NKAIN2: variants seen among roughly 807,000 people sequenced by gnomAD.
NKAIN2 encodes the protein sodium/potassium transporting ATPase interacting 2.
NKAIN2 carries 14 observed loss-of-function variants against 32.6 expected under a neutral mutation model. The ratio of observed to expected loss-of-function variants is 0.43; its 90% confidence interval spans 0.28 to 0.67. The LOEUF (loss-of-function observed/expected upper bound fraction) is 0.67. NKAIN2 is among the 30% of genes least tolerant of loss of function. The pLI is 0.17. For missense variants in NKAIN2, 198 were observed against 258.3 expected (o/e 0.77, Z 1.60); for synonymous variants, 80 against 87.2 (o/e 0.92, Z 0.46).
chr6:124,789,750 A>G (rs1359226132), intron 4 of NKAIN2, among the ~76,000 whole-genome samples: 1 of 152,106 alleles, frequency 6.6e-6, no homozygotes, highest in Non-Finnish European at 1.5e-5. Context: ...TGATGACTCT[A>G]TTATATAAAG....
At chr6:123,866,431 CT>C (rs573379522) in intron 1 of NKAIN2, among the ~76,000 whole-genome samples, 6 of 150,470 alleles carry the variant, frequency 4.0e-5, no homozygotes, top group Admixed American at 2.0e-4. Flanking sequence ...ACATAATACA[CT>C]TTTTTTTTTC....
At chr6:124,184,648 T>A (rs6569379) in intron 1 of NKAIN2, among the ~76,000 whole-genome samples, 43,316 of 152,038 alleles carry the variant, frequency 0.28, 7,679 homozygotes, top group African/African-American at 0.48. Flanking sequence ...ATTTTCATAA[T>A]TGATTGATTT....
At chr6:124,423,406 T>G (rs572782424) in intron 3 of NKAIN2, among the ~76,000 whole-genome samples, 46 of 152,326 alleles carry the variant, frequency 3.0e-4, no homozygotes, top group Non-Finnish European at 4.7e-4. Context: ...TCTCCATATG[T>G]AAAATGTACA....
chr6:124,661,612 T>C (rs1784747739), intron 4 of NKAIN2, among the ~76,000 whole-genome samples: 1 of 152,202 alleles, frequency 6.6e-6, no homozygotes, highest in Admixed American at 6.5e-5. Flanking sequence ...CGAGGGGCTA[T>C]TAATCACACA....
intron 1 of NKAIN2, among the ~76,000 whole-genome samples, chr6:124,204,689 T>C (rs1163384520): frequency 1.3e-5 from 2 of 151,774 alleles, no homozygotes; most frequent in Non-Finnish European, 2.9e-5. Flanking sequence ...AATATGACTT[T>C]GAAATTGTTC....
chr6:124,604,127 G>T (rs533679324), intron 3 of NKAIN2, among the ~76,000 whole-genome samples: 1 of 151,952 alleles, frequency 6.6e-6, no homozygotes, highest in Non-Finnish European at 1.5e-5. Flanking sequence ...CTCTCATAGC[G>T]GAGGATGACT....
At chr6:124,778,164 G>C (rs1430994768) in intron 4 of NKAIN2, among the ~76,000 whole-genome samples, 1 of 152,068 alleles carries the variant, frequency 6.6e-6, no homozygotes, top group Non-Finnish European at 1.5e-5. Flanking sequence ...CCTGAGCTCT[G>C]ATGCTGTGGT....
At chr6:124,297,657 T>C (rs543533295) in intron 2 of NKAIN2, among the ~76,000 whole-genome samples, 1 of 150,322 alleles carries the variant, frequency 6.7e-6, no homozygotes, top group Non-Finnish European at 1.5e-5. Context: ...ACATGCTTAT[T>C]ATTGTTCTTT....
At chr6:124,409,694 T>G (rs1774060397) in intron 3 of NKAIN2, among the ~76,000 whole-genome samples, 1 of 152,224 alleles carries the variant, frequency 6.6e-6, no homozygotes, top group Admixed American at 6.5e-5. Flanking sequence ...GGTATCAGGA[T>G]GATGCTGCCT....
intron 1 of NKAIN2, among the ~76,000 whole-genome samples, chr6:124,175,758 T>C (rs1789124582): frequency 1.3e-5 from 2 of 152,178 alleles, no homozygotes; most frequent in African/African-American, 4.8e-5. Context: ...AAATGTAGCC[T>C]CACTGGGTTT....
intron 1 of NKAIN2, among the ~76,000 whole-genome samples, chr6:124,035,726 C>G (rs1184559637): frequency 2.0e-5 from 3 of 152,110 alleles, no homozygotes; most frequent in Non-Finnish European, 4.4e-5. Flanking sequence ...GTCTCACATC[C>G]CTCTTGCCAC....
chr6:124,383,314 T>C (rs954916699), intron 3 of NKAIN2, among the ~76,000 whole-genome samples: 2 of 152,102 alleles, frequency 1.3e-5, no homozygotes, highest in Non-Finnish European at 2.9e-5. Context: ...CTCTCTCCAA[T>C]CCATTTTTTT....
chr6:124,323,450 A>G (rs549744453), intron 2 of NKAIN2, among the ~76,000 whole-genome samples: 1 of 152,284 alleles, frequency 6.6e-6, no homozygotes, highest in African/African-American at 2.4e-5. Context: ...AATCTCATCC[A>G]TTTTGAATTA....
intron 4 of NKAIN2, among the ~76,000 whole-genome samples, chr6:124,789,002 T>G (rs944994265): frequency 2.6e-5 from 4 of 152,072 alleles, no homozygotes; most frequent in African/African-American, 9.7e-5. Context: ...TCAGCAAGCT[T>G]TTGTAACAAA....
At chr6:123,972,155 A>G (rs1194965444) in intron 1 of NKAIN2, among the ~76,000 whole-genome samples, 2 of 152,224 alleles carry the variant, frequency 1.3e-5, no homozygotes, top group African/African-American at 2.4e-5. Context: ...AATACAGTAC[A>G]TAATACATAG....
intron 1 of NKAIN2, among the ~76,000 whole-genome samples, chr6:124,152,160 A>G (rs140007087): frequency 2.0e-4 from 31 of 152,090 alleles, no homozygotes; most frequent in Non-Finnish European, 3.4e-4. Flanking sequence ...AGGGTTTTGT[A>G]TTCCCATACA....
At chr6:124,452,193 T>C (rs1243540694) in intron 3 of NKAIN2, among the ~76,000 whole-genome samples, 1 of 65,750 alleles carries the variant, frequency 1.5e-5, no homozygotes, top group Admixed American at 1.9e-4. Context: ...AGACATCATC[T>C]CGAAAAAAAA....
intron 4 of NKAIN2, among the ~76,000 whole-genome samples, chr6:124,745,987 C>T (rs948707279): frequency 6.6e-6 from 1 of 151,750 alleles, no homozygotes; most frequent in Non-Finnish European, 1.5e-5. Context: ...CAATGAGAAT[C>T]AAAATGAAAT....
At chr6:123,976,179 G>A (rs937553880) in intron 1 of NKAIN2, among the ~76,000 whole-genome samples, 4 of 148,688 alleles carry the variant, frequency 2.7e-5, no homozygotes, top group Admixed American at 1.3e-4. Context: ...ACCCAGTCTT[G>A]GGTATGTCTT....
Sources: gnomAD v4.1 joint callset for allele counts (sites outside exome capture counted in the v4.1 genomes callset) on GRCh38, gnomAD v4.1.1 for gene constraint, MANE v1.5 for transcripts, NCBI Gene and HGNC (gene_info 2026-07-23, HGNC 2026-07-21) for gene names.